Variants in RASEF observed in about 807,000 individuals in gnomAD.
The protein encoded by RASEF is RAS and EF-hand domain containing, also known as ras and EF-hand domain-containing protein.
RASEF carries 68 observed loss-of-function variants against 90.1 expected under a neutral mutation model. The observed-to-expected ratio is 0.75, with a 90% CI of 0.62 to 0.92. The LOEUF is 0.92. Among genes scored for constraint, RASEF ranks in the 40% least tolerant of loss-of-function variants. The pLI is 0.00. For synonymous variants in RASEF, 331 were observed against 345.2 expected, an observed-to-expected ratio of 0.96 and a Z score of 0.46; for missense variants, 949 against 937.2, an observed-to-expected ratio of 1.01 and a Z score of -0.16.
intron 1 of RASEF, chr9:83,048,835 A>C (rs2118673967): frequency 1.1e-6 from 1 of 882,462 alleles, no homozygotes; most frequent in Admixed American, 6.2e-5. Context: ...ACCTTATTAA[A>C]GACTCCTGTG....
chr9:83,094,540 A>C, the RASEF span, among the ~76,000 whole-genome samples: 1 of 152,300 alleles, frequency 6.6e-6, no homozygotes, highest in Admixed American at 6.5e-5. Context: ...GTCTGAAACC[A>C]GTTCAAAACC....
At chr9:83,170,819 T>C in the RASEF span, among the ~76,000 whole-genome samples, 11 of 152,050 alleles carry the variant, frequency 7.2e-5, no homozygotes, top group Admixed American at 4.6e-4. Flanking sequence ...CAGGTTTTTT[T>C]GGTGAAGTCT....
chr9:83,024,735 G>A (rs1024250059), intron 2 of RASEF, among the ~76,000 whole-genome samples: 2 of 152,310 alleles, frequency 1.3e-5, no homozygotes, highest in East Asian at 3.9e-4. Flanking sequence ...TTCATACCAA[G>A]AATTTAAAAT....
In RASEF at chr9:83,025,925, C is replaced by A; in HGVS notation, c.432-4G>T. On this transcript the variant is annotated splice_polypyrimidine_tract_variant and splice_region_variant and intron_variant, in intron 1 of 16. Coordinates refer to ENST00000376447, the MANE Select transcript of RASEF (RefSeq NM_152573.4). Reference sequence around the variant, plus strand: ...CAAGGTACTAACTTGCTCTTCTCTGCCAAATAAATAAATAAAAATTAAACC... The same window carrying A: ...CAAGGTACTAACTTGCTCTTCTCTGACAAATAAATAAATAAAAATTAAACC... 3 of 1,553,666 alleles carry A rather than the reference C, an allele frequency of 1.9e-6. No homozygotes were observed. The highest frequency in any genetic ancestry group is 2.6e-6 in the Non-Finnish European group (3 of 1,154,852).
At position 83,004,563 on chromosome 9, in the gene RASEF, C is replaced by T; in HGVS notation, c.1137G>A (p.Gly379=). 1.3e-6 allele frequency: 2 copies of T among 1,590,536 alleles called. No individual in the cohort carries two copies. The highest frequency in any genetic ancestry group is 1.7e-6 in the Non-Finnish European group (2 of 1,158,674). The change falls in exon 9 of 17, where the codon GGG becomes GGA. Residue 379 remains glycine, a synonymous_variant. Coordinates refer to ENST00000376447, the MANE Select transcript of RASEF (RefSeq NM_152573.4). ...RSLHINNISP[G]NTISRSSPKF... The stretch of plus-strand genomic sequence containing the variant: ...TGGGACTGCTTCTAGAAATTGTATT[C>T]CCTGGTGAGATATTATTTATATGCT...
At chr9:83,073,579 T>A in the RASEF span, among the ~76,000 whole-genome samples, 1 of 152,182 alleles carries the variant, frequency 6.6e-6, no homozygotes, top group African/African-American at 2.4e-5. Context: ...AAGAACCCTA[T>A]GTGATGTGTG....
At chr9:83,111,038 G>T in the RASEF span, among the ~76,000 whole-genome samples, 4 of 152,166 alleles carry the variant, frequency 2.6e-5, no homozygotes, top group African/African-American at 7.2e-5. Flanking sequence ...GGAATTTTTA[G>T]ATGCAGAATA....
chr9:83,140,422 G>A, the RASEF span, among the ~76,000 whole-genome samples: 1 of 152,282 alleles, frequency 6.6e-6, no homozygotes, highest in Admixed American at 6.5e-5. Flanking sequence ...GTAATGGGAA[G>A]AAAAGTAGTC....
At chr9:83,054,900 G>A (rs1024215144) in intron 1 of RASEF, 2 of 151,058 alleles carry the variant, frequency 1.3e-5, no homozygotes, top group Non-Finnish European at 2.9e-5. Context: ...CAGTCTGCCC[G>A]TTCTCAGATC....
chr9:83,122,340 T>C, the RASEF span, among the ~76,000 whole-genome samples: 1 of 152,232 alleles, frequency 6.6e-6, no homozygotes, highest in Non-Finnish European at 1.5e-5. Flanking sequence ...GATCAGGGCA[T>C]AATCAAAAGG....
At chr9:83,194,259 C>T in the RASEF span, among the ~76,000 whole-genome samples, 1 of 152,218 alleles carries the variant, frequency 6.6e-6, no homozygotes, top group African/African-American at 2.4e-5. Flanking sequence ...AGGCTCCTCT[C>T]ATCAGGGACA....
chr9:83,179,587 T>C, the RASEF span, among the ~76,000 whole-genome samples: 2 of 152,206 alleles, frequency 1.3e-5, no homozygotes, highest in Non-Finnish European at 2.9e-5. Context: ...ACCATGTGTC[T>C]TTCATTCACC....
At chr9:83,180,761 A>T in the RASEF span, among the ~76,000 whole-genome samples, 23,010 of 151,952 alleles carry the variant, frequency 0.15, 2,045 homozygotes, top group East Asian at 0.25. Flanking sequence ...CTTGGAAATC[A>T]GGGTATACTC....
chr9:83,185,446 C>A, the RASEF span, among the ~76,000 whole-genome samples: 10 of 151,728 alleles, frequency 6.6e-5, no homozygotes, highest in African/African-American at 2.2e-4. Flanking sequence ...CTTAGCCTTC[C>A]AAAGTCCTGG....
the RASEF span, among the ~76,000 whole-genome samples, chr9:83,157,972 T>A: frequency 6.6e-6 from 1 of 152,178 alleles, no homozygotes; most frequent in African/African-American, 2.4e-5. Flanking sequence ...TACCTAGAGA[T>A]GAATCAACAC....
At chr9:83,040,094 T>C (rs915653191) in intron 1 of RASEF, among the ~76,000 whole-genome samples, 12 of 152,216 alleles carry the variant, frequency 7.9e-5, no homozygotes, top group Non-Finnish European at 4.4e-5. Context: ...CCTTCAGCCA[T>C]GTAAGATGTG....
chr9:82,992,964 G>A lies in RASEF; in HGVS notation c.1982C>T (p.Thr661Ile). 6.2e-7 allele frequency: 1 copy of A among 1,613,880 alleles called. No individual in the cohort carries two copies. The highest frequency in any genetic ancestry group is 8.5e-7 in the Non-Finnish European group (1 of 1,179,844). The change falls in exon 15 of 17, where the codon ACT becomes ATT. Residue 661 changes from threonine (T) to isoleucine (I), a missense_variant. Thr to Ile is a moderately conservative substitution (Grantham distance 89). Coordinates refer to ENST00000376447, the MANE Select transcript of RASEF (RefSeq NM_152573.4). ...ACATTTTTGTCCCTCTGTAGCAGCA[G>A]TGTCACGAATGTCAGCCTTGTTTCC... The part of the protein sequence containing the change: ...LVGNKADIRD[T>I]AATEGQKCVP...
chr9:83,160,303 T>C, the RASEF span, among the ~76,000 whole-genome samples: 4 of 152,172 alleles, frequency 2.6e-5, no homozygotes, highest in African/African-American at 9.6e-5. Flanking sequence ...CTTATAATGA[T>C]ATGGACAGTG....
At chr9:83,195,438 AC>A in the RASEF span, among the ~76,000 whole-genome samples, 2 of 152,040 alleles carry the variant, frequency 1.3e-5, no homozygotes, top group Non-Finnish European at 2.9e-5. Flanking sequence ...ATGGGTGGAG[AC>A]CTAGGAGGCC....
Sources: allele counts gnomAD v4.1 joint callset (sites outside exome capture counted in the v4.1 genomes callset), GRCh38; gene constraint gnomAD v4.1.1; transcripts MANE v1.5; gene names NCBI Gene and HGNC (gene_info 2026-07-23, HGNC 2026-07-21).